TRAPPC9: variants seen among roughly 807,000 people sequenced by gnomAD.
The protein encoded by TRAPPC9 is trafficking protein particle complex subunit 9.
In TRAPPC9, 83 loss-of-function variants were observed where a neutral mutation model predicts 124.0. That is an observed-to-expected ratio of 0.67 (90% CI 0.56 to 0.80). TRAPPC9 has a LOEUF of 0.80. TRAPPC9 is among the 30% of genes least tolerant of loss of function. The probability of loss-of-function intolerance (pLI) is 0.00; values close to 1 mark genes in which losing one functional copy is unlikely to be tolerated. For synonymous variants in TRAPPC9, 638 were observed against 617.5 expected (o/e 1.03, Z -0.49); for missense variants, 1,302 against 1,508.3 (o/e 0.86, Z 2.27).
chr8:139,848,885 G>A lies in TRAPPC9; in HGVS notation c.3055+36994C>T, dbSNP rs189727715. On this transcript the variant is annotated intron_variant, in intron 21 of 22. Coordinates refer to ENST00000438773, the MANE Select transcript of TRAPPC9 (RefSeq NM_001160372.4). ...AGCAGGTGTGCTGTCTAGCCTGACC[G>A]TGCCATATGAGGCTAGAGACAGATT... Among the ~76,000 whole-genome samples the A allele has an allele frequency of 1.1e-3, 165 of 152,294 alleles. 2 individuals carry two copies. The highest frequency in any genetic ancestry group is 4.1e-4 in the South Asian group (2 of 4,828).
chr8:140,207,843 T>C (rs1047390226), intron 17 of TRAPPC9, among the ~76,000 whole-genome samples: 5 of 152,184 alleles, frequency 3.3e-5, no homozygotes, highest in African/African-American at 1.2e-4. Flanking sequence ...CTAGATTATT[T>C]GGATGTTTAT....
chr8:140,448,790 C>T (rs545995879), intron 2 of TRAPPC9, among the ~76,000 whole-genome samples: 20 of 152,302 alleles, frequency 1.3e-4, no homozygotes, highest in South Asian at 1.2e-3. Flanking sequence ...GCACAGGAGG[C>T]GCAGCAGAAG....
intron 8 of TRAPPC9, among the ~76,000 whole-genome samples, chr8:140,361,107 C>T (rs2067940499): frequency 6.6e-6 from 1 of 152,256 alleles, no homozygotes; most frequent in South Asian, 2.1e-4. Flanking sequence ...AATCACTGCT[C>T]CAGCTGATCC....
At chr8:140,051,286 C>A (rs1171023653) in intron 17 of TRAPPC9, among the ~76,000 whole-genome samples, 1 of 152,214 alleles carries the variant, frequency 6.6e-6, no homozygotes, top group East Asian at 1.9e-4. Context: ...CACTGTGGGA[C>A]CTGCCAGGAT....
At chr8:139,839,082 C>A (rs1826557011) in intron 21 of TRAPPC9, among the ~76,000 whole-genome samples, 1 of 152,236 alleles carries the variant, frequency 6.6e-6, no homozygotes. Context: ...TCAGCCCCTG[C>A]CTCTCCCTCA....
chr8:140,416,851 G>A (rs1385210245), intron 5 of TRAPPC9, among the ~76,000 whole-genome samples: 1 of 152,120 alleles, frequency 6.6e-6, no homozygotes, highest in Admixed American at 6.6e-5. Context: ...AAACAGCATG[G>A]TACTGGTACC....
intron 7 of TRAPPC9, among the ~76,000 whole-genome samples, chr8:140,375,811 G>C (rs772608535): frequency 3.3e-5 from 5 of 152,176 alleles, no homozygotes; most frequent in East Asian, 1.9e-4. Context: ...CACTTGCAGT[G>C]ATCAGAAGAA....
intron 17 of TRAPPC9, among the ~76,000 whole-genome samples, chr8:140,190,397 G>A (rs2062463854): frequency 6.6e-6 from 1 of 152,226 alleles, no homozygotes; most frequent in Admixed American, 6.5e-5. Context: ...GCCGGAGGTT[G>A]CAGTGAGCCA....
chr8:139,951,835 G>C (rs894463653), intron 19 of TRAPPC9, among the ~76,000 whole-genome samples: 1 of 152,194 alleles, frequency 6.6e-6, no homozygotes, highest in African/African-American at 2.4e-5. Context: ...TGCAAGTGAA[G>C]AAAAACATGC....
intron 20 of TRAPPC9, among the ~76,000 whole-genome samples, chr8:139,909,639 T>C (rs1831580086): frequency 6.6e-6 from 1 of 152,244 alleles, no homozygotes; most frequent in South Asian, 2.1e-4. Context: ...GAGTCAGCCA[T>C]TGATCCAAAG....
rs184628730 is a variant in TRAPPC9, at chr8:140,342,015, G to C, written c.1495+18035C>G. On this transcript the variant is annotated intron_variant, in intron 9 of 22. Coordinates refer to ENST00000438773, the MANE Select transcript of TRAPPC9 (RefSeq NM_001160372.4). ...AAGATCACTTTATCATAGGGGTGGA[G>C]GACAGGAAAGAAAGGGCGGATCTGG... 4.8e-4 allele frequency among the ~76,000 whole-genome samples: 73 copies of C among 152,356 alleles called. 1 individual carries two copies. Among genetic ancestry groups the C allele is most frequent in the African/African-American group, 1.7e-3 (69 of 41,578 alleles).
intron 15 of TRAPPC9, among the ~76,000 whole-genome samples, chr8:140,264,633 G>A: frequency 6.6e-6 from 1 of 151,598 alleles, no homozygotes; most frequent in African/African-American, 2.4e-5. Flanking sequence ...AGAGCGGAGG[G>A]GGAGGGCAGG....
At chr8:139,804,789 G>A (rs983285658) in intron 21 of TRAPPC9, among the ~76,000 whole-genome samples, 6 of 141,088 alleles carry the variant, frequency 4.3e-5, no homozygotes, top group African/African-American at 8.0e-5. Context: ...AAGCACCACC[G>A]CCGCAGCCAC....
intron 21 of TRAPPC9, among the ~76,000 whole-genome samples, chr8:139,745,703 G>A (rs1043598188): frequency 2.6e-5 from 4 of 152,242 alleles, no homozygotes; most frequent in Non-Finnish European, 2.9e-5. Flanking sequence ...GACAAACAGA[G>A]CAGGACAGGG....
Position 140,179,873 on chromosome 8 carries a change from G to A in TRAPPC9, c.2556+41586C>T, listed in dbSNP as rs58346883. 7.4e-4 allele frequency among the ~76,000 whole-genome samples: 112 copies of A among 151,752 alleles called. 2 individuals carry two copies. In the East Asian group the frequency reaches 0.019, roughly 26 times the overall value. ...GTCAACTTTGTCTTATATTAATAAA[G>A]TTGTTCCTGCTTTCTTATGACAAGT... On this transcript the variant is annotated intron_variant, in intron 17 of 22. Coordinates refer to ENST00000438773, the MANE Select transcript of TRAPPC9 (RefSeq NM_001160372.4).
At chr8:140,311,117 T>C in intron 10 of TRAPPC9, 131 bp downstream of exon 10, 2 of 1,092,628 alleles carry the variant, frequency 1.8e-6, no homozygotes. Flanking sequence ...CTTTCAAGTT[T>C]AATGAGATAA....
chr8:140,047,437 T>A (rs1841681078), intron 17 of TRAPPC9, among the ~76,000 whole-genome samples: 1 of 152,196 alleles, frequency 6.6e-6, no homozygotes, highest in Admixed American at 6.5e-5. Context: ...GAGCCAGGCA[T>A]GGCAGCCCAC....
chr8:139,763,540 C>T (rs190539366), intron 21 of TRAPPC9, among the ~76,000 whole-genome samples: 41 of 147,744 alleles, frequency 2.8e-4, no homozygotes, highest in Non-Finnish European at 3.1e-4. Context: ...AACAAAACAA[C>T]GCCCATGGCT....
At chr8:140,408,366 T>C (rs1280901000) in intron 5 of TRAPPC9, among the ~76,000 whole-genome samples, 2 of 151,942 alleles carry the variant, frequency 1.3e-5, no homozygotes, top group East Asian at 1.9e-4. Flanking sequence ...ACTAAAGAGA[T>C]AGGTACTGAG....
Sources: allele counts gnomAD v4.1 joint callset (sites outside exome capture counted in the v4.1 genomes callset), GRCh38; gene constraint gnomAD v4.1.1; transcripts MANE v1.5; gene names NCBI Gene and HGNC (gene_info 2026-07-23, HGNC 2026-07-21).